OPHN1: variants seen among roughly 807,000 people sequenced by gnomAD.
OPHN1 encodes oligophrenin-1.
OPHN1 carries 11 observed loss-of-function variants against 60.7 expected under a neutral mutation model. The observed-to-expected ratio is 0.18, with a 90% confidence interval of 0.11 to 0.30. OPHN1 has a LOEUF of 0.30. OPHN1 is among the 10% of genes least tolerant of loss of function. OPHN1 has a pLI of 1.00. For synonymous variants in OPHN1, 226 were observed against 222.6 expected, an observed-to-expected ratio of 1.02 and a Z score of -0.14; for missense variants, 449 against 611.0, an observed-to-expected ratio of 0.73 and a Z score of 2.80.
chrX:68,304,819 T>A (rs1432107296), intron 2 of OPHN1, among the ~76,000 whole-genome samples: 1 of 111,243 alleles, frequency 9.0e-6, no homozygotes, highest in Non-Finnish European at 1.9e-5. Flanking sequence ...GAAGGCAGAA[T>A]GTGGTTGAAG....
At chrX:68,083,230 G>A (rs975142110) in intron 19 of OPHN1, among the ~76,000 whole-genome samples, 7 of 102,968 alleles carry the variant, frequency 6.8e-5, no homozygotes, top group East Asian at 3.0e-4. Flanking sequence ...CCGCCACTGC[G>A]CCCGGCTAAT....
In OPHN1 at chrX:68,184,597, ATTTGT is replaced by A. The variant is rs754269664; in HGVS notation, c.1276+8317_1276+8321del. 1.5e-4 allele frequency among the ~76,000 whole-genome samples: 16 copies of A among 109,163 alleles called. No individual in the cohort carries two copies. In the East Asian group the frequency reaches 4.6e-3, roughly 32 times the overall value. The allele number at this position is 109,163 out of a possible 115,157, so 94.8% of individuals were successfully genotyped here. On this transcript the variant is annotated intron_variant, in intron 15 of 24. Transcript: ENST00000355520. ...TTCAGATACAAATGTTTTTGTTTTG[ATTTGT>A]TTTGTTTTGTTTTGAGAGAGTCTTA... is the stretch of plus-strand genomic sequence containing the variant.
chrX:68,416,095 G>C (rs1293129215), intron 2 of OPHN1, among the ~76,000 whole-genome samples: 2 of 92,538 alleles, frequency 2.2e-5, no homozygotes, highest in East Asian at 6.8e-4. Flanking sequence ...GAGAGAGAGA[G>C]AGAGAGAGAG....
At chrX:68,187,414 C>A (rs1156977710) in intron 15 of OPHN1, among the ~76,000 whole-genome samples, 1 of 107,878 alleles carries the variant, frequency 9.3e-6, no homozygotes, top group Non-Finnish European at 1.9e-5. Context: ...GTGATGGCAG[C>A]ATGAGAGGGA....
At chrX:68,351,352 T>C (rs1298531927) in intron 2 of OPHN1, among the ~76,000 whole-genome samples, 2 of 111,870 alleles carry the variant, frequency 1.8e-5, no homozygotes. Flanking sequence ...CCACTGACTG[T>C]AAACTCAGGA....
intron 16 of OPHN1, among the ~76,000 whole-genome samples, chrX:68,119,012 A>G (rs1296512252): frequency 8.9e-6 from 1 of 112,302 alleles, no homozygotes; most frequent in Non-Finnish European, 1.9e-5. Flanking sequence ...TTTTTTGAAC[A>G]TAATCTTTTT....
chrX:68,238,970 C>T (rs2077766333), intron 5 of OPHN1, among the ~76,000 whole-genome samples: 1 of 111,512 alleles, frequency 9.0e-6, no homozygotes, highest in Non-Finnish European at 1.9e-5. Flanking sequence ...TTCTGTATCC[C>T]GGGTTCTTGC....
Position 68,166,518 on chromosome X carries a change from A to G in OPHN1, c.1276+26401T>C, listed in dbSNP as rs916322036. ...CACTGCACTCCAGCCTGGGCAACAA[A>G]AGCAAAACTCCATCTCAAAAAAATT... is the stretch of plus-strand genomic sequence containing the variant. On this transcript the variant is annotated intron_variant, in intron 15 of 24. Transcript: ENST00000355520. Among the ~76,000 whole-genome samples the G allele has an allele frequency of 9.8e-5, 11 of 111,897 alleles. No individual in the cohort carries two copies. In the East Asian group the frequency reaches 3.1e-3, roughly 31 times the overall value.
intron 2 of OPHN1, among the ~76,000 whole-genome samples, chrX:68,353,872 T>C (rs900112572): frequency 1.8e-5 from 2 of 111,502 alleles, no homozygotes; most frequent in Non-Finnish European, 3.8e-5. Flanking sequence ...AATATAATAT[T>C]GTAAAAAGTT....
chrX:68,265,652 C>A (rs1225897684), intron 5 of OPHN1, among the ~76,000 whole-genome samples: 4 of 111,973 alleles, frequency 3.6e-5, no homozygotes, highest in Admixed American at 9.5e-5. Flanking sequence ...CAGCTCCTCA[C>A]CAGCATCAGA....
At chrX:68,275,305 A>T (rs894363250) in intron 4 of OPHN1, among the ~76,000 whole-genome samples, 49 of 111,980 alleles carry the variant, frequency 4.4e-4, no homozygotes, top group Non-Finnish European at 1.5e-4. Flanking sequence ...CGCAGAAAAC[A>T]CTAGACTAGG....
At chrX:68,277,487 A>G (rs1293625736) in intron 4 of OPHN1, among the ~76,000 whole-genome samples, 3 of 112,301 alleles carry the variant, frequency 2.7e-5, no homozygotes, top group Non-Finnish European at 5.6e-5. Flanking sequence ...GACAATTTGC[A>G]GTTTAAAAAA....
intron 2 of OPHN1, among the ~76,000 whole-genome samples, chrX:68,379,910 C>A (rs753601389): frequency 6.4e-5 from 7 of 108,938 alleles, no homozygotes; most frequent in African/African-American, 2.1e-4. Flanking sequence ...TGTCTCTGCC[C>A]GGCTTTGGTA....
At chrX:68,151,452 A>G (rs985979547) in intron 15 of OPHN1, among the ~76,000 whole-genome samples, 2 of 112,002 alleles carry the variant, frequency 1.8e-5, no homozygotes, top group African/African-American at 6.5e-5. Flanking sequence ...TGAAAATAAA[A>G]TGATGCTGAG....
chrX:68,363,272 T>G (rs2078482605), intron 2 of OPHN1, among the ~76,000 whole-genome samples: 2 of 110,898 alleles, frequency 1.8e-5, no homozygotes, highest in African/African-American at 6.5e-5. Context: ...TAAAAAAAAT[T>G]TAAATAATAA....
chrX:68,411,889 G>A (rs112785638), intron 2 of OPHN1, among the ~76,000 whole-genome samples: 4,181 of 111,291 alleles, frequency 0.038, 102 homozygotes, highest in Middle Eastern at 0.13. Context: ...TTCTTCCAGA[G>A]TTTGTATAGG....
chrX:68,391,837 G>A (rs2078655003), intron 2 of OPHN1, among the ~76,000 whole-genome samples: 1 of 111,202 alleles, frequency 9.0e-6, no homozygotes, highest in African/African-American at 3.3e-5. Flanking sequence ...GCCAAGGATC[G>A]CAGACAGCCA....
At chrX:68,393,248 C>G (rs2078662946) in intron 2 of OPHN1, among the ~76,000 whole-genome samples, 1 of 112,534 alleles carries the variant, frequency 8.9e-6, no homozygotes, top group African/African-American at 3.2e-5. Context: ...CTGGGCAACA[C>G]TGCCTCTTTA....
intron 2 of OPHN1, among the ~76,000 whole-genome samples, chrX:68,421,873 A>G (rs1425254172): frequency 9.0e-6 from 1 of 111,589 alleles, no homozygotes; most frequent in African/African-American, 3.3e-5. Context: ...GTTTCCCAAT[A>G]TATACTACTC....
Sources: allele counts gnomAD v4.1 joint callset (sites outside exome capture counted in the v4.1 genomes callset), GRCh38; gene constraint gnomAD v4.1.1; transcripts MANE v1.5; gene names NCBI Gene and HGNC (gene_info 2026-07-23, HGNC 2026-07-21).